Variants in ZNF532 observed in about 807,000 individuals in gnomAD.
ZNF532 encodes zinc finger protein 532.
ZNF532 carries 22 observed loss-of-function variants against 89.3 expected under a neutral mutation model. The observed-to-expected ratio is 0.25, with a 90% confidence interval of 0.18 to 0.35. The LOEUF is 0.35. Among genes scored for constraint, ZNF532 ranks in the 10% least tolerant of loss-of-function variants. ZNF532 has a pLI of 1.00. For synonymous variants in ZNF532, 606 were observed against 649.6 expected (o/e 0.93, Z 1.02); for missense variants, 1,132 against 1,643.4 (o/e 0.69, Z 5.38).
chr18:58,894,471 A>G (rs2145468838), intron 2 of ZNF532, among the ~76,000 whole-genome samples: 1 of 151,188 alleles, frequency 6.6e-6, no homozygotes, highest in East Asian at 1.9e-4. Flanking sequence ...CCATCTCAAA[A>G]AAAAAAAAAA....
At chr18:58,928,559 A>G (rs1314744502) in intron 3 of ZNF532, among the ~76,000 whole-genome samples, 1 of 152,156 alleles carries the variant, frequency 6.6e-6, no homozygotes. Flanking sequence ...CAGGAACCGA[A>G]AGCCTGCTAG....
Position 58,957,488 on chromosome 18 carries a change from A to C in ZNF532, c.3150+3689A>C, listed in dbSNP as rs974892657. On this transcript the variant is annotated intron_variant, in intron 7 of 9. Transcript: ENST00000591808. ...AAACGTATTCTGCCAACCACAGTAC[A>C]GTCATTACCTTAGTGTTACTGCTTC... Among the ~76,000 whole-genome samples, 4 of 150,742 alleles carry C rather than the reference A, an allele frequency of 2.7e-5. No individual in the cohort carries two copies. The Admixed American group carries it at 2.7e-4, about 10-fold the overall frequency.
intron 2 of ZNF532, among the ~76,000 whole-genome samples, chr18:58,916,085 G>T (rs551628924): frequency 6.6e-6 from 1 of 152,290 alleles, no homozygotes; most frequent in South Asian, 2.1e-4. Context: ...GGCAGGGGGT[G>T]GTGTCTTGAG....
intron 5 of ZNF532, among the ~76,000 whole-genome samples, chr18:58,942,070 T>C (rs781209691): frequency 3.4e-5 from 5 of 145,338 alleles, no homozygotes; most frequent in African/African-American, 1.0e-4. Context: ...TCGCCCAGGC[T>C]GGAGTGCAGT....
At position 58,986,405 on chromosome 18, in the gene ZNF532, G is replaced by C. The variant is rs1196331864; in HGVS notation, c.*1939G>C. On this transcript the variant is annotated 3_prime_UTR_variant, in exon 10 of 10. Transcript: ENST00000591808. ...AAATATTTTGCTCTCTAAATCTAAT[G>C]CTCGCTCTATGTGGTTATGTACATA... 6.6e-6 allele frequency: 1 copy of C among 152,580 alleles called. No individual in the cohort carries two copies. Among genetic ancestry groups the C allele is most frequent in the Non-Finnish European group, 1.5e-5 (1 of 68,038 alleles). 9.5% of individuals were successfully genotyped at this position (152,580 alleles called of 1,614,324 possible). A position where few individuals can be genotyped will look rare whatever the true frequency, so the allele number is the denominator to read the frequency against.
chr18:58,919,579 A>T lies in ZNF532; in HGVS notation c.1292A>T (p.Asn431Ile). ...CCTCTCCAGTCTGCGGTCGTGACCAATGCAGTTTCCCCTGCAGAGCTCACC... is the reference window on the plus strand; with the variant it reads ...CCTCTCCAGTCTGCGGTCGTGACCATTGCAGTTTCCCCTGCAGAGCTCACC... ...RAPLQSAVVT[N>I]AVSPAELTPK... Residue 431 changes from asparagine (N) to isoleucine (I), a missense_variant, in exon 3 of 10, where the codon AAT becomes ATT. Asn to Ile is a moderately radical substitution (Grantham distance 149). This residue lies in a region of ZNF532 where 124 missense variants were observed against 191.6 expected (regional missense o/e 0.65). Coordinates refer to ENST00000591808, the MANE Select transcript of ZNF532 (RefSeq NM_001375912.1). The surrounding 1 kb of genome is among the most constrained non-coding windows in gnomAD (Gnocchi z 6.1). 6.2e-7 allele frequency: 1 copy of T among 1,614,110 alleles called. No homozygotes were observed. The highest frequency in any genetic ancestry group is 8.5e-7 in the Non-Finnish European group (1 of 1,180,020).
chr18:58,928,142 C>T (rs1489590263), intron 3 of ZNF532, among the ~76,000 whole-genome samples: 2 of 152,130 alleles, frequency 1.3e-5, no homozygotes, highest in Non-Finnish European at 2.9e-5. Flanking sequence ...GTCTCAGTTT[C>T]CCCAGGGTGC....
In ZNF532 at chr18:58,934,522, C is replaced by G. The variant is rs748201829; in HGVS notation, c.2436C>G (p.Thr812=). The change falls in exon 4 of 10, where the codon ACC becomes ACG. Residue 812 remains threonine, a synonymous_variant. Transcript: ENST00000591808. ...TCCATCAGCACAAATCTCCCTACAC[C>G]TGCCCTGAGTGTGGGGCCATCTGCA... ...QRIHQHKSPY[T]CPECGAICRS... 1 of 1,614,018 alleles carries G rather than the reference C, an allele frequency of 6.2e-7. No homozygotes were observed. Among genetic ancestry groups the G allele is most frequent in the Non-Finnish European group, 8.5e-7 (1 of 1,179,974 alleles).
At chr18:58,876,513 G>GT (rs1001397575) in intron 2 of ZNF532, among the ~76,000 whole-genome samples, 9 of 151,950 alleles carry the variant, frequency 5.9e-5, no homozygotes, top group African/African-American at 1.2e-4. Flanking sequence ...GGCCAGGACT[G>GT]TTTTTTTTGA....
intron 5 of ZNF532, among the ~76,000 whole-genome samples, chr18:58,947,798 T>C (rs2063792227): frequency 1.3e-5 from 2 of 152,232 alleles, no homozygotes; most frequent in Admixed American, 6.5e-5. Context: ...GTGCCAGTTA[T>C]AGATTTGTGA....
chr18:58,926,713 G>A (rs1325899576), intron 3 of ZNF532, among the ~76,000 whole-genome samples: 1 of 152,164 alleles, frequency 6.6e-6, no homozygotes, highest in East Asian at 1.9e-4. Context: ...ACAATCATAA[G>A]TGGTATATAT....
At chr18:58,888,001 A>T (rs1422193344) in intron 2 of ZNF532, among the ~76,000 whole-genome samples, 1 of 152,134 alleles carries the variant, frequency 6.6e-6, no homozygotes, top group African/African-American at 2.4e-5. Flanking sequence ...ATTATTTCTA[A>T]CTACTCTCCT....
chr18:58,881,198 A>G (rs149366882), intron 2 of ZNF532, among the ~76,000 whole-genome samples: 2,041 of 151,570 alleles, frequency 0.013, 28 homozygotes, highest in South Asian at 0.025. Context: ...GCCTCCTTCA[A>G]GTGATTCACT....
chr18:58,911,866 C>T (rs765493782), intron 2 of ZNF532, among the ~76,000 whole-genome samples: 17 of 152,208 alleles, frequency 1.1e-4, no homozygotes, highest in Non-Finnish European at 2.1e-4. Flanking sequence ...GCTGAGCTTT[C>T]GTTTTGACCC....
intron 5 of ZNF532, among the ~76,000 whole-genome samples, chr18:58,942,246 A>C (rs181841549): frequency 6.9e-6 from 1 of 145,620 alleles, no homozygotes; most frequent in Non-Finnish European, 1.5e-5. Context: ...ATGGTCTCGA[A>C]CTCCTGACCT....
At chr18:58,880,272 G>T (rs1041013174) in intron 2 of ZNF532, among the ~76,000 whole-genome samples, 2 of 152,222 alleles carry the variant, frequency 1.3e-5, no homozygotes, top group Non-Finnish European at 2.9e-5. Flanking sequence ...TTGGTAGAAT[G>T]CAGCTAGGGA....
At chr18:58,902,065 C>T (rs866821620) in intron 2 of ZNF532, among the ~76,000 whole-genome samples, 1 of 152,116 alleles carries the variant, frequency 6.6e-6, no homozygotes, top group African/African-American at 2.4e-5. Flanking sequence ...GTGTTTGTTT[C>T]GGGGCATGGG....
intron 2 of ZNF532, among the ~76,000 whole-genome samples, chr18:58,906,442 CAG>C (rs1222236049): frequency 1.3e-5 from 2 of 151,894 alleles, no homozygotes; most frequent in Non-Finnish European, 2.9e-5. Flanking sequence ...TTTTTGGAGG[CAG>C]GGGGACATTC....
intron 7 of ZNF532, among the ~76,000 whole-genome samples, chr18:58,972,583 C>G (rs147075652): frequency 1.8e-3 from 280 of 152,206 alleles, no homozygotes; most frequent in Middle Eastern, 3.4e-3. Flanking sequence ...CCCACCCACC[C>G]CTGACTTTAA....
Sources: allele counts gnomAD v4.1 joint callset (sites outside exome capture counted in the v4.1 genomes callset), GRCh38; gene constraint gnomAD v4.1.1; regional missense constraint gnomAD v4.1.1; non-coding constraint Gnocchi (gnomAD v3.1); transcripts MANE v1.5; gene names NCBI Gene and HGNC (gene_info 2026-07-23, HGNC 2026-07-21).